The following ARHGAP28 variants were observed in gnomAD, a reference collection of about 807,000 sequenced individuals.
The protein encoded by ARHGAP28 is Rho GTPase activating protein 28, also known as rho GTPase-activating protein 28.
A neutral mutation model predicts 90.7 loss-of-function variants in ARHGAP28; 56 were observed. The ratio of observed to expected loss-of-function variants is 0.62; its 90% CI spans 0.50 to 0.77. The LOEUF (loss-of-function observed/expected upper bound fraction) is 0.77. Ranked by LOEUF, ARHGAP28 falls within the 30% of genes least tolerant of loss-of-function variation. The probability of loss-of-function intolerance (pLI) is 0.00; values close to 1 mark genes in which losing one functional copy is unlikely to be tolerated. For missense variants in ARHGAP28, 869 were observed against 900.9 expected (o/e 0.96, Z 0.45); for synonymous variants, 308 against 323.3 (o/e 0.95, Z 0.51).
chr18:6,870,907 T>C (rs2143520407), intron 7 of ARHGAP28, among the ~76,000 whole-genome samples, 175 bp downstream of exon 7: 1 of 152,170 alleles, frequency 6.6e-6, no homozygotes, highest in South Asian at 2.1e-4. Flanking sequence ...TTCACGCCAT[T>C]CTCCTGCCTC....
At chr18:6,762,470 T>A (rs1250252835) in intron 1 of ARHGAP28, among the ~76,000 whole-genome samples, 2 of 152,242 alleles carry the variant, frequency 1.3e-5, no homozygotes, top group African/African-American at 4.8e-5. Flanking sequence ...CCCTTCAACA[T>A]GCTACGCATC....
chr18:6,804,242 T>C (rs563263690), intron 1 of ARHGAP28, among the ~76,000 whole-genome samples: 117 of 152,348 alleles, frequency 7.7e-4, no homozygotes, highest in Non-Finnish European at 1.4e-3. Context: ...TTATTTGTAA[T>C]ATTCCAGTAT....
chr18:6,806,674 T>G (rs1237511036), intron 1 of ARHGAP28, among the ~76,000 whole-genome samples: 1 of 152,042 alleles, frequency 6.6e-6, no homozygotes. Flanking sequence ...GGAAAATAAT[T>G]TTATATTTAA....
At chr18:6,826,570 T>C (rs1036314616) in intron 2 of ARHGAP28, among the ~76,000 whole-genome samples, 2 of 151,710 alleles carry the variant, frequency 1.3e-5, no homozygotes, top group Non-Finnish European at 2.9e-5. Flanking sequence ...GCTTGCAAAA[T>C]TCCTGAGCAT....
chr18:6,884,533 T>G (rs2057205473), intron 11 of ARHGAP28, among the ~76,000 whole-genome samples: 1 of 152,236 alleles, frequency 6.6e-6, no homozygotes, highest in Admixed American at 6.5e-5. Context: ...CTTTGGAGAC[T>G]ATGGATTCTG....
At chr18:6,834,292 G>C (rs2056736482) in intron 2 of ARHGAP28, among the ~76,000 whole-genome samples, 1 of 152,140 alleles carries the variant, frequency 6.6e-6, no homozygotes, top group Non-Finnish European at 1.5e-5. Flanking sequence ...GCAGTGTTAG[G>C]ATTGATAGCA....
At chr18:6,881,522 T>A (rs993533432) in intron 10 of ARHGAP28, among the ~76,000 whole-genome samples, 2 of 152,214 alleles carry the variant, frequency 1.3e-5, no homozygotes, top group African/African-American at 2.4e-5. Flanking sequence ...GAGGTTTTTT[T>A]AAAAGTATTT....
intron 17 of ARHGAP28, among the ~76,000 whole-genome samples, chr18:6,911,099 G>T (rs1277539930): frequency 6.6e-6 from 1 of 152,140 alleles, no homozygotes; most frequent in Admixed American, 6.5e-5. Flanking sequence ...CTCCCAAAGT[G>T]CTGGGATTAC....
chr18:6,877,504 G>T (rs954831079), intron 10 of ARHGAP28, among the ~76,000 whole-genome samples: 2 of 152,234 alleles, frequency 1.3e-5, no homozygotes, highest in African/African-American at 2.4e-5. Context: ...GGGGCCCACA[G>T]CTGGGAGAGT....
At chr18:6,793,282 G>A (rs1225227530) in intron 1 of ARHGAP28, among the ~76,000 whole-genome samples, 7 of 152,164 alleles carry the variant, frequency 4.6e-5, no homozygotes, top group African/African-American at 1.7e-4. Context: ...CAATAGGTAA[G>A]GTCTTTTTAT....
chr18:6,792,492 AG>A (rs1478652785), intron 1 of ARHGAP28, among the ~76,000 whole-genome samples: 1 of 152,228 alleles, frequency 6.6e-6, no homozygotes, highest in Non-Finnish European at 1.5e-5. Flanking sequence ...TTTCTTATGC[AG>A]TACTGTCCAT....
chr18:6,830,375 C>T (rs1045036388), intron 2 of ARHGAP28, among the ~76,000 whole-genome samples: 5 of 151,878 alleles, frequency 3.3e-5, no homozygotes, highest in Non-Finnish European at 4.4e-5. Context: ...ACGTGCAGAA[C>T]GTGCAATTTT....
intron 1 of ARHGAP28, among the ~76,000 whole-genome samples, chr18:6,747,835 AC>A (rs1414169909): frequency 6.6e-6 from 1 of 152,100 alleles, no homozygotes; most frequent in East Asian, 1.9e-4. Flanking sequence ...CATAGCTCTT[AC>A]CCCCAGTGAC....
At chr18:6,880,504 A>G (rs2057169005) in intron 10 of ARHGAP28, among the ~76,000 whole-genome samples, 1 of 152,204 alleles carries the variant, frequency 6.6e-6, no homozygotes, top group African/African-American at 2.4e-5. Flanking sequence ...TACCCTTGCC[A>G]TTCCCGTGCT....
chr18:6,807,770 A>G (rs143737804), intron 1 of ARHGAP28, among the ~76,000 whole-genome samples: 1 of 152,230 alleles, frequency 6.6e-6, no homozygotes. Context: ...GAGGAGCTCC[A>G]GAGTTCTCTG....
intron 9 of ARHGAP28, among the ~76,000 whole-genome samples, chr18:6,874,367 G>A (rs753606355): frequency 3.3e-5 from 5 of 152,168 alleles, no homozygotes; most frequent in Admixed American, 2.0e-4. Context: ...AGGAGGTTTC[G>A]AAAATGATAT....
intron 2 of ARHGAP28, among the ~76,000 whole-genome samples, chr18:6,826,978 A>G (rs1230462259): frequency 6.6e-6 from 1 of 152,184 alleles, no homozygotes; most frequent in East Asian, 1.9e-4. Flanking sequence ...GACACAACAC[A>G]TGTTTCAGAG....
chr18:6,794,302 G>A (rs2056426472), intron 1 of ARHGAP28, among the ~76,000 whole-genome samples: 2 of 152,098 alleles, frequency 1.3e-5, no homozygotes, highest in African/African-American at 4.8e-5. Flanking sequence ...AATTGTAGTG[G>A]CTTTGATTTA....
chr18:6,857,478 C>T (rs1015891237), intron 4 of ARHGAP28, among the ~76,000 whole-genome samples: 1 of 152,202 alleles, frequency 6.6e-6, no homozygotes, highest in Non-Finnish European at 1.5e-5. Context: ...CTGTGATGCG[C>T]ACAGTGAAGT....
Sources: allele counts gnomAD v4.1 joint callset (sites outside exome capture counted in the v4.1 genomes callset), GRCh38; gene constraint gnomAD v4.1.1; transcripts MANE v1.5; gene names NCBI Gene and HGNC (gene_info 2026-07-23, HGNC 2026-07-21).